ZNF618: variants seen among roughly 807,000 people sequenced by gnomAD.
The protein encoded by ZNF618 is zinc finger protein 618.
ZNF618 carries 34 observed loss-of-function variants against 103.0 expected under a neutral mutation model. The ratio of observed to expected loss-of-function variants is 0.33; its 90% CI spans 0.25 to 0.44. The LOEUF (loss-of-function observed/expected upper bound fraction) is 0.44. Among genes scored for constraint, ZNF618 ranks in the 20% least tolerant of loss-of-function variants. ZNF618 has a pLI of 1.00. For missense variants in ZNF618, 1,059 were observed against 1,295.4 expected (o/e 0.82, Z 2.80); for synonymous variants, 551 against 542.2 (o/e 1.02, Z -0.23).
At chr9:113,983,195 A>T (rs987507965) in intron 2 of ZNF618, among the ~76,000 whole-genome samples, 4 of 152,200 alleles carry the variant, frequency 2.6e-5, no homozygotes, top group African/African-American at 9.7e-5. Context: ...TTAAATGGAT[A>T]TAATTAAAAT....
chr9:114,043,994 A>C (rs1249880515), intron 13 of ZNF618, among the ~76,000 whole-genome samples: 1 of 152,134 alleles, frequency 6.6e-6, no homozygotes, highest in East Asian at 1.9e-4. Flanking sequence ...ATCCCACTCT[A>C]TGGGTTATCT....
chr9:114,025,183 G>C (rs913160991), intron 10 of ZNF618, among the ~76,000 whole-genome samples: 1 of 152,230 alleles, frequency 6.6e-6, no homozygotes, highest in Non-Finnish European at 1.5e-5. Context: ...ACGAGGAGGG[G>C]TTCCCAGGTT....
At chr9:113,951,956 C>T (rs1835820085) in intron 1 of ZNF618, among the ~76,000 whole-genome samples, 1 of 152,182 alleles carries the variant, frequency 6.6e-6, no homozygotes, top group African/African-American at 2.4e-5. Context: ...GCCCCGCTTT[C>T]TTTCAGTGAC....
At chr9:114,048,546 T>C (rs1845859676) in intron 14 of ZNF618, 105 bp from the exon 15 acceptor site, 2 of 1,213,828 alleles carry the variant, frequency 1.6e-6, no homozygotes, top group Non-Finnish European at 2.3e-6. Context: ...AGAGGAAATA[T>C]ATTTGCCATT....
At chr9:114,036,495 C>A (rs937339180) in intron 13 of ZNF618, 118 bp downstream of exon 13, 1 of 1,084,920 alleles carries the variant, frequency 9.2e-7, no homozygotes, top group African/African-American at 1.6e-5. Flanking sequence ...AAAATGGTCA[C>A]AGGACATGGA....
intron 2 of ZNF618, among the ~76,000 whole-genome samples, chr9:113,974,838 C>T (rs1184435120): frequency 6.6e-6 from 1 of 152,164 alleles, no homozygotes; most frequent in African/African-American, 2.4e-5. Flanking sequence ...CCCAGACTGC[C>T]TGGATTCAGA....
chr9:113,957,250 G>A (rs1410860137), intron 1 of ZNF618, among the ~76,000 whole-genome samples: 2 of 152,194 alleles, frequency 1.3e-5, no homozygotes, highest in Non-Finnish European at 2.9e-5. Flanking sequence ...GTTAGCACTG[G>A]CTGAGAATAT....
At chr9:114,021,662 G>A (rs1012835657) in intron 10 of ZNF618, among the ~76,000 whole-genome samples, 4 of 151,998 alleles carry the variant, frequency 2.6e-5, no homozygotes, top group Non-Finnish European at 5.9e-5. Flanking sequence ...CCCATGAAAC[G>A]GTCACCACAA....
At chr9:113,957,805 C>CT (rs34031250) in intron 1 of ZNF618, among the ~76,000 whole-genome samples, 64,470 of 145,256 alleles carry the variant, frequency 0.44, 14,213 homozygotes, top group Admixed American at 0.56. Flanking sequence ...CAAAAGTTTC[C>CT]TTTTTTTTTT....
chr9:113,959,924 C>T (rs904270650), intron 1 of ZNF618, among the ~76,000 whole-genome samples: 3 of 152,172 alleles, frequency 2.0e-5, no homozygotes, highest in Admixed American at 6.5e-5. Flanking sequence ...CTCCTTTAAA[C>T]GTCGTGACTC....
intron 9 of ZNF618, among the ~76,000 whole-genome samples, chr9:114,011,116 A>G (rs1842202048): frequency 2.0e-5 from 3 of 152,226 alleles, no homozygotes; most frequent in Non-Finnish European, 4.4e-5. Flanking sequence ...TAGGACTCCC[A>G]GCTCGACACT....
In ZNF618 at chr9:114,049,624, G is replaced by A; in HGVS notation, c.2322G>A (p.Lys774=). 1.2e-6 allele frequency: 2 copies of A among 1,613,828 alleles called. No homozygotes were observed. The highest frequency in any genetic ancestry group is 4.5e-5 in the East Asian group (2 of 44,880). The stretch of plus-strand genomic sequence containing the variant: ...GGCTGGAGAAGCTGTTCACGGCCAA[G>A]GCCAACGACGCAGGCACTGTCAGCA... ...YVRLEKLFTA[K]ANDAGTVSKL... is the part of the protein sequence containing the mutation. The change falls in exon 15 of 15, where the codon AAG becomes AAA. Residue 774 remains lysine (K), a synonymous_variant. Coordinates refer to ENST00000374126, the MANE Select transcript of ZNF618 (RefSeq NM_001318042.2).
intron 9 of ZNF618, among the ~76,000 whole-genome samples, chr9:114,015,661 A>G (rs1375339539): frequency 6.6e-6 from 1 of 152,222 alleles, no homozygotes; most frequent in African/African-American, 2.4e-5. Context: ...TGTAAAATTA[A>G]TGGGTGAATG....
At chr9:114,029,262 AGG>A (rs1484015547) in intron 11 of ZNF618, among the ~76,000 whole-genome samples, 1 of 152,118 alleles carries the variant, frequency 6.6e-6, no homozygotes, top group African/African-American at 2.4e-5. Context: ...TCATGGCCTG[AGG>A]GGCCTGTTTT....
chr9:113,955,675 T>A (rs9695212), intron 1 of ZNF618, among the ~76,000 whole-genome samples: 97,836 of 149,816 alleles, frequency 0.65, 31,905 homozygotes, highest in Admixed American at 0.71. Flanking sequence ...TTTCTCTCTT[T>A]AAAAAAAAAA....
chr9:113,941,237 T>C (rs1209129357), intron 1 of ZNF618, among the ~76,000 whole-genome samples: 1 of 152,248 alleles, frequency 6.6e-6, no homozygotes, highest in Non-Finnish European at 1.5e-5. Flanking sequence ...CAAGGGCATT[T>C]ACATTTTCCT....
At chr9:113,921,565 G>A (rs1388410101) in intron 1 of ZNF618, among the ~76,000 whole-genome samples, 7 of 152,198 alleles carry the variant, frequency 4.6e-5, no homozygotes, top group African/African-American at 1.2e-4. Flanking sequence ...ATGAAACCCC[G>A]GAGGCAAACA....
chr9:114,050,245 A>G lies in ZNF618; in HGVS notation c.*78A>G. ...AACCACACAACACTGTCACAAAGAA[A>G]AGGAATTTAAGTTCTAAACACTGTG... is the stretch of plus-strand genomic sequence containing the variant. On this transcript the variant is annotated 3_prime_UTR_variant, in exon 15 of 15. Transcript: ENST00000374126. The G allele has an allele frequency of 6.8e-7, 1 of 1,468,536 alleles. No individual in the cohort carries two copies. Among genetic ancestry groups the G allele is most frequent in the Non-Finnish European group, 9.0e-7 (1 of 1,106,430 alleles). 91.0% of individuals were successfully genotyped at this position (1,468,536 alleles called of 1,614,324 possible). A position where few individuals can be genotyped will look rare whatever the true frequency, so the allele number is the denominator to read the frequency against.
chr9:113,978,995 A>T (rs1225317488), intron 2 of ZNF618, among the ~76,000 whole-genome samples: 1 of 152,170 alleles, frequency 6.6e-6, no homozygotes, highest in South Asian at 2.1e-4. Flanking sequence ...TCCACCCTGC[A>T]TGCTGGTGTG....
Sources: allele counts gnomAD v4.1 joint callset (sites outside exome capture counted in the v4.1 genomes callset), GRCh38; gene constraint gnomAD v4.1.1; transcripts MANE v1.5; gene names NCBI Gene and HGNC (gene_info 2026-07-23, HGNC 2026-07-21).